Variants in AMBRA1 observed in about 807,000 individuals in gnomAD.
AMBRA1 encodes autophagy and beclin 1 regulator 1, also known as activating molecule in BECN1-regulated autophagy protein 1.
AMBRA1 carries 47 observed loss-of-function variants against 125.4 expected under a neutral mutation model. That is an observed-to-expected ratio of 0.37 (90% CI 0.30 to 0.48). The LOEUF is 0.48. AMBRA1 is among the 20% of genes least tolerant of loss of function. The pLI, the probability that AMBRA1 is intolerant of heterozygous loss-of-function variation, is 0.99. For synonymous variants in AMBRA1, 626 were observed against 655.5 expected, an observed-to-expected ratio of 0.95 and a Z score of 0.69; for missense variants, 1,331 against 1,693.4, an observed-to-expected ratio of 0.79 and a Z score of 3.76.
chr11:46,410,353 A>G lies in AMBRA1; in HGVS notation c.3132T>C (p.Gly1044=). ...VICRPEALNS[G]VEYYWDQLNE... Reference sequence around the variant, plus strand: ...TCAGCTGGTCCCAGTAGTACTCAACACCAGAGTTTAAGGCCCTAAAAATCA... The same window carrying G: ...TCAGCTGGTCCCAGTAGTACTCAACGCCAGAGTTTAAGGCCCTAAAAATCA... The change falls in exon 16 of 18, where the codon GGT becomes GGC. Residue 1044 remains glycine, a synonymous_variant. Transcript: ENST00000683756. 1 of 1,613,978 alleles carries G rather than the reference A, an allele frequency of 6.2e-7. No individual in the cohort carries two copies. The highest frequency in any genetic ancestry group is 1.1e-5 in the South Asian group (1 of 91,076).
At chr11:46,418,722 T>C (rs1434815899) in intron 14 of AMBRA1, among the ~76,000 whole-genome samples, 1 of 152,152 alleles carries the variant, frequency 6.6e-6, no homozygotes, top group Non-Finnish European at 1.5e-5. Context: ...TGGGATTCTC[T>C]TAGTTTTGGG....
chr11:46,408,114 G>T (rs1196644455), intron 17 of AMBRA1, among the ~76,000 whole-genome samples: 2 of 152,190 alleles, frequency 1.3e-5, no homozygotes, highest in Non-Finnish European at 2.9e-5. Flanking sequence ...CTCCCATGGG[G>T]CAGTCCCAAA....
At position 46,435,121 on chromosome 11, in the gene AMBRA1, C is replaced by T. The variant is rs1205524384; in HGVS notation, c.2633-84G>A. The stretch of plus-strand genomic sequence containing the variant: ...TTCTGGGGCCAAGAAACTTTAGGGA[C>T]TTCCTAAGGGCCTGAACCTTGTCTA... On this transcript the variant is annotated intron_variant, in intron 12 of 17. Coordinates refer to ENST00000683756, the MANE Select transcript of AMBRA1 (RefSeq NM_001387011.1). 1.8e-5 allele frequency: 22 copies of T among 1,250,454 alleles called. No homozygotes were observed. The East Asian group carries it at 5.3e-4, about 30-fold the overall frequency. The allele number at this position is 1,250,454 out of a possible 1,614,324, so 77.5% of individuals were successfully genotyped here.
At position 46,397,650 on chromosome 11, in the gene AMBRA1, A is replaced by G; in HGVS notation, c.3697T>C (p.Trp1233Arg). The change falls in exon 18 of 18, where the codon TGG (tryptophan) becomes CGG (arginine). Residue 1233 changes from tryptophan to arginine, a missense_variant. This residue lies in a region of AMBRA1 where 144 missense variants were observed against 133.9 expected (regional missense o/e 1.08). Transcript: ENST00000683756. ...ERGLSPRTAS[W>R]DQPGTPGREP... ...CGCCCAGGGGTACCAGGCTGGTCCC[A>G]GGAAGCTGTCCGGGGGCTTAGGCCT... is the stretch of plus-strand genomic sequence containing the variant. 6.2e-7 allele frequency: 1 copy of G among 1,612,936 alleles called. No homozygotes were observed.
intron 11 of AMBRA1, among the ~76,000 whole-genome samples, chr11:46,482,742 G>A (rs750545837): frequency 1.3e-5 from 2 of 152,152 alleles, no homozygotes; most frequent in African/African-American, 2.4e-5. Context: ...CAGGCGTAGT[G>A]GCTCACGCCT....
intron 11 of AMBRA1, among the ~76,000 whole-genome samples, chr11:46,445,998 T>C (rs537611464): frequency 2.6e-5 from 4 of 152,258 alleles, no homozygotes; most frequent in Admixed American, 1.3e-4. Flanking sequence ...GGAACACAAA[T>C]GATTAAGACT....
intron 7 of AMBRA1, among the ~76,000 whole-genome samples, chr11:46,534,348 A>G (rs1419415394): frequency 6.6e-6 from 1 of 151,826 alleles, no homozygotes; most frequent in East Asian, 1.9e-4. Context: ...CAGAAAAGTT[A>G]GCCAGGCGTG....
chr11:46,575,319 T>G (rs1301609456), intron 1 of AMBRA1, among the ~76,000 whole-genome samples: 1 of 151,730 alleles, frequency 6.6e-6, no homozygotes, highest in African/African-American at 2.4e-5. Context: ...TATCCCAGCG[T>G]GGTGGCACGT....
At chr11:46,494,906 A>C (rs1004685233) in intron 9 of AMBRA1, 1 of 152,244 alleles carries the variant, frequency 6.6e-6, no homozygotes, top group Non-Finnish European at 1.5e-5. Context: ...GCTAGGTTCC[A>C]ATACAAAGGT....
chr11:46,421,320 G>C (rs1435477669), intron 14 of AMBRA1, among the ~76,000 whole-genome samples: 2 of 152,222 alleles, frequency 1.3e-5, no homozygotes, highest in African/African-American at 4.8e-5. Context: ...AGTGCCGAAA[G>C]GGCAGTTCTC....
At chr11:46,430,187 AG>A (rs2136697102) in intron 14 of AMBRA1, among the ~76,000 whole-genome samples, 1 of 152,362 alleles carries the variant, frequency 6.6e-6, no homozygotes, top group East Asian at 1.9e-4. Context: ...AAACCTGGAA[AG>A]CAGCAACAGC....
At chr11:46,409,893 C>A (rs1467669539) in intron 16 of AMBRA1, among the ~76,000 whole-genome samples, 1 of 152,222 alleles carries the variant, frequency 6.6e-6, no homozygotes, top group Non-Finnish European at 1.5e-5. Context: ...GGATTTGTCC[C>A]TGGGCTACAG....
At chr11:46,514,797 T>C (rs536857778) in intron 7 of AMBRA1, among the ~76,000 whole-genome samples, 123 of 152,160 alleles carry the variant, frequency 8.1e-4, no homozygotes, top group Non-Finnish European at 1.5e-3. Flanking sequence ...TTTTCATGAT[T>C]TCATAGGAAC....
intron 12 of AMBRA1, among the ~76,000 whole-genome samples, chr11:46,437,948 CA>C (rs1294398326): frequency 6.6e-6 from 1 of 152,122 alleles, no homozygotes; most frequent in Non-Finnish European, 1.5e-5. Context: ...TCAAACTCAC[CA>C]GGAGGGCATA....
intron 1 of AMBRA1, among the ~76,000 whole-genome samples, chr11:46,568,141 C>T (rs546754441): frequency 6.6e-6 from 1 of 151,126 alleles, no homozygotes; most frequent in Admixed American, 6.6e-5. Flanking sequence ...GAGTGAGACT[C>T]TGTCTTAAAA....
intron 11 of AMBRA1, among the ~76,000 whole-genome samples, chr11:46,470,732 C>T (rs1949554553): frequency 6.6e-6 from 1 of 152,068 alleles, no homozygotes; most frequent in South Asian, 2.1e-4. Context: ...CACCATACTC[C>T]AGCCTGGGTG....
At chr11:46,428,820 C>T in intron 14 of AMBRA1, 1 of 1,611,424 alleles carries the variant, frequency 6.2e-7, no homozygotes, top group Non-Finnish European at 8.5e-7. Flanking sequence ...GGTCGCTCAC[C>T]CTCCAGACCT....
Position 46,434,892 on chromosome 11 carries a change from C to T in AMBRA1, c.2778G>A (p.Leu926=). The part of the protein sequence containing the change: ...PDEGILAVYS[L]APHNLGEMLY... ...GCATTTCGCCCAGGTTATGGGGGGC[C>T]AGGGAGTACACTGCCAGGATGCCTT... The change falls in exon 13 of 18, where the codon CTG becomes CTA. Residue 926 remains leucine, a synonymous_variant. Transcript: ENST00000683756. 1 of 1,613,490 alleles carries T rather than the reference C, an allele frequency of 6.2e-7. No homozygotes were observed. The highest frequency in any genetic ancestry group is 8.5e-7 in the Non-Finnish European group (1 of 1,179,738).
At chr11:46,527,173 T>A (rs1461064264) in intron 7 of AMBRA1, among the ~76,000 whole-genome samples, 1 of 152,182 alleles carries the variant, frequency 6.6e-6, no homozygotes, top group Non-Finnish European at 1.5e-5. Context: ...CTATTTGTGC[T>A]ACCTCCCTTA....
Sources: allele counts gnomAD v4.1 joint callset (sites outside exome capture counted in the v4.1 genomes callset), GRCh38; gene constraint gnomAD v4.1.1; regional missense constraint gnomAD v4.1.1; transcripts MANE v1.5; gene names NCBI Gene and HGNC (gene_info 2026-07-23, HGNC 2026-07-21).